Variants in RAB3GAP2 observed in about 807,000 individuals in gnomAD.
RAB3GAP2 encodes the protein RAB3 GTPase activating non-catalytic protein subunit 2, also known as rab3 GTPase-activating protein non-catalytic subunit.
RAB3GAP2 carries 87 observed loss-of-function variants against 185.3 expected under a neutral mutation model. The ratio of observed to expected loss-of-function variants is 0.47; its 90% CI spans 0.39 to 0.56. The LOEUF (loss-of-function observed/expected upper bound fraction) is 0.56. RAB3GAP2 is among the 20% of genes least tolerant of loss of function. RAB3GAP2 has a pLI of 0.00. For synonymous variants in RAB3GAP2, 554 were observed against 576.1 expected (o/e 0.96, Z 0.55); for missense variants, 1,492 against 1,638.2 (o/e 0.91, Z 1.54).
chr1:220,259,113 A>C (rs981504854), intron 1 of RAB3GAP2, among the ~76,000 whole-genome samples: 2 of 152,250 alleles, frequency 1.3e-5, no homozygotes, highest in Non-Finnish European at 2.9e-5. Context: ...TTCCATGCTC[A>C]TGGATAGGAA....
chr1:220,206,083 G>T, intron 7 of RAB3GAP2, 77 bp from the exon 8 acceptor site: 1 of 942,590 alleles, frequency 1.1e-6, no homozygotes, highest in South Asian at 1.6e-5. Context: ...TGAATTTCAC[G>T]AATAATGTAA....
intron 4 of RAB3GAP2, 147 bp from the exon 5 acceptor site, chr1:220,211,149 C>T (rs1659078616): frequency 2.6e-6 from 2 of 761,736 alleles, no homozygotes; most frequent in African/African-American, 3.5e-5. Flanking sequence ...TACAGTAAAA[C>T]TCCACCACTG....
intron 17 of RAB3GAP2, among the ~76,000 whole-genome samples, chr1:220,188,820 G>A (rs1407050675): frequency 2.0e-5 from 3 of 152,130 alleles, no homozygotes; most frequent in Non-Finnish European, 4.4e-5. Context: ...ATAAATTCTA[G>A]TCAGTGAGCA....
At chr1:220,266,984 G>T in intron 1 of RAB3GAP2, 1 of 1,610,338 alleles carries the variant, frequency 6.2e-7, no homozygotes, top group Non-Finnish European at 8.5e-7. Flanking sequence ...AGGCTCCAGA[G>T]ATCCACCTTC....
chr1:220,167,744 C>G, intron 24 of RAB3GAP2, 69 bp from the exon 25 acceptor site: 1 of 1,480,302 alleles, frequency 6.8e-7, no homozygotes, highest in East Asian at 2.3e-5. Flanking sequence ...CAATGGGAGC[C>G]AATTTCCTTA....
At position 220,157,694 on chromosome 1, in the gene RAB3GAP2, A is replaced by C. The variant is rs181928914; in HGVS notation, c.3336+108T>G. On this transcript the variant is annotated intron_variant, in intron 30 of 34. Transcript: ENST00000358951. ...GGGCTCAAGTCAAAATTTAGAAATG[A>C]ATGAATGAAAAACAACCTCATTAAA... 368 of 1,130,108 alleles carry C rather than the reference A, an allele frequency of 3.3e-4. 2 individuals carry two copies. The African/African-American group carries it at 5.1e-3, about 16-fold the overall frequency. The allele number at this position is 1,130,108 out of a possible 1,614,324, so 70.0% of individuals were successfully genotyped here. A position where few individuals can be genotyped will look rare whatever the true frequency, so the allele number is the denominator to read the frequency against.
In RAB3GAP2 at chr1:220,189,763, C is replaced by T. The variant is rs1558149486; in HGVS notation, c.1719G>A (p.Leu573=). Residue 573 remains leucine, a synonymous_variant, in exon 17 of 35, where the codon TTG becomes TTA. Coordinates refer to ENST00000358951, the MANE Select transcript of RAB3GAP2 (RefSeq NM_012414.4). ...LLKTKSPNLD[L]VETEIKELIL... is the part of the protein sequence containing the mutation. ...TTAATTCCTTTATTTCTGTTTCAACCAAATCTATAAAGAAAAAAATAATCA... is the reference window on the plus strand; with the variant it reads ...TTAATTCCTTTATTTCTGTTTCAACTAAATCTATAAAGAAAAAAATAATCA... 2 of 1,493,062 alleles carry T rather than the reference C, an allele frequency of 1.3e-6. No individual in the cohort carries two copies. The highest frequency in any genetic ancestry group is 1.8e-6 in the Non-Finnish European group (2 of 1,098,286). 92.5% of individuals were successfully genotyped at this position (1,493,062 alleles called of 1,614,324 possible). A position where few individuals can be genotyped will look rare whatever the true frequency, so the allele number is the denominator to read the frequency against.
chr1:220,272,118 C>T lies in RAB3GAP2; in HGVS notation c.115+105G>A, dbSNP rs552702750. ...GGGAGGCACGGGGAGAACTGGGGGT[C>T]CAGAGGGCAGAGGCAGGAGGCGCAG... On this transcript the variant is annotated intron_variant, in intron 1 of 34. Coordinates refer to ENST00000358951, the MANE Select transcript of RAB3GAP2 (RefSeq NM_012414.4). 126 of 976,586 alleles carry T rather than the reference C, an allele frequency of 1.3e-4. No homozygotes were observed. The African/African-American group carries it at 1.8e-3, about 14-fold the overall frequency. The allele number at this position is 976,586 out of a possible 1,614,324, so 60.5% of individuals were successfully genotyped here.
At position 220,172,126 on chromosome 1, in the gene RAB3GAP2, A is replaced by T. The variant is rs1216623779; in HGVS notation, c.2417-77T>A. On this transcript the variant is annotated intron_variant, in intron 22 of 34. Coordinates refer to ENST00000358951, the MANE Select transcript of RAB3GAP2 (RefSeq NM_012414.4). ...TGGACTAACCATTTATGTTAAACAT[A>T]ATGTTAAAACTAAGTTACCTACTGA... is the stretch of plus-strand genomic sequence containing the variant. 5 of 1,460,250 alleles carry T rather than the reference A, an allele frequency of 3.4e-6. No homozygotes were observed. The Admixed American group carries it at 9.4e-5, about 27-fold the overall frequency. 90.5% of individuals were successfully genotyped at this position (1,460,250 alleles called of 1,614,324 possible). A position where few individuals can be genotyped will look rare whatever the true frequency, so the allele number is the denominator to read the frequency against.
intron 12 of RAB3GAP2, among the ~76,000 whole-genome samples, chr1:220,194,738 A>G (rs950764196): frequency 2.6e-5 from 4 of 152,244 alleles, no homozygotes; most frequent in African/African-American, 9.6e-5. Flanking sequence ...TTTAAAGTTT[A>G]TACAACTTAG....
chr1:220,258,536 TC>T (rs1290100929), intron 1 of RAB3GAP2, among the ~76,000 whole-genome samples: 1 of 152,046 alleles, frequency 6.6e-6, no homozygotes, highest in African/African-American at 2.4e-5. Context: ...AAATTCAACA[TC>T]CCTTCATGTT....
At chr1:220,186,449 TGGA>T (rs1658509146) in intron 17 of RAB3GAP2, among the ~76,000 whole-genome samples, 1 of 152,156 alleles carries the variant, frequency 6.6e-6, no homozygotes, top group South Asian at 2.1e-4. Context: ...TGCGTGTTTG[TGGA>T]GGAGAAATGG....
At chr1:220,237,351 A>G (rs1487543886) in intron 1 of RAB3GAP2, among the ~76,000 whole-genome samples, 1 of 152,224 alleles carries the variant, frequency 6.6e-6, no homozygotes. Flanking sequence ...CCAAAAAGCA[A>G]TTCTGTAAAT....
intron 9 of RAB3GAP2, 66 bp from the exon 10 acceptor site, chr1:220,196,464 T>C (rs887459103): frequency 1.4e-6 from 2 of 1,429,372 alleles, no homozygotes; most frequent in Non-Finnish European, 2.0e-6. Context: ...TTTACTTCAG[T>C]TCCATTCTAA....
intron 1 of RAB3GAP2, among the ~76,000 whole-genome samples, chr1:220,233,433 A>G (rs1659536326): frequency 6.6e-6 from 1 of 152,242 alleles, no homozygotes; most frequent in South Asian, 2.1e-4. Context: ...GGTCAACAAC[A>G]ATGCAACAAG....
Position 220,148,812 on chromosome 1 carries a change from C to G in RAB3GAP2, c.*2439G>C, listed in dbSNP as rs978334114. 32 of 152,142 alleles carry G rather than the reference C, an allele frequency of 2.1e-4. No homozygotes were observed. The highest frequency in any genetic ancestry group is 6.0e-4 in the African/African-American group (25 of 41,430). The allele number at this position is 152,142 out of a possible 1,614,324, so 9.4% of individuals were successfully genotyped here. ...ATATATCTCTTTATCTACATTTACC[C>G]TGGCCCCTCTAGTTCTGCATCTAAA... On this transcript the variant is annotated 3_prime_UTR_variant, in exon 35 of 35. Coordinates refer to ENST00000358951, the MANE Select transcript of RAB3GAP2 (RefSeq NM_012414.4).
chr1:220,245,984 A>G (rs1486191815), intron 1 of RAB3GAP2, among the ~76,000 whole-genome samples: 1 of 152,146 alleles, frequency 6.6e-6, no homozygotes, highest in African/African-American at 2.4e-5. Context: ...AAACTAACAA[A>G]CAGAAAGGAC....
chr1:220,232,013 A>AT (rs942416960), intron 2 of RAB3GAP2, among the ~76,000 whole-genome samples: 6 of 152,286 alleles, frequency 3.9e-5, no homozygotes, highest in African/African-American at 1.4e-4. Flanking sequence ...TTAAAGTTAG[A>AT]TTTTTTTATT....
At chr1:220,232,727 G>T in intron 2 of RAB3GAP2, 72 bp downstream of exon 2, 1 of 1,323,544 alleles carries the variant, frequency 7.6e-7, no homozygotes, top group Non-Finnish European at 1.1e-6. Context: ...GCTTGACAGG[G>T]AAATATGTCA....
Sources: gnomAD v4.1 joint callset for allele counts (sites outside exome capture counted in the v4.1 genomes callset) on GRCh38, gnomAD v4.1.1 for gene constraint, MANE v1.5 for transcripts, NCBI Gene and HGNC (gene_info 2026-07-23, HGNC 2026-07-21) for gene names.